The following ABCG5 variants were observed in gnomAD, a reference collection of about 807,000 sequenced individuals.
ABCG5 encodes ATP binding cassette subfamily G member 5, also known as ATP-binding cassette sub-family G member 5.
ABCG5 carries 64 observed loss-of-function variants against 64.5 expected under a neutral mutation model. That is an observed-to-expected ratio of 0.99 (90% CI 0.81 to 1.22). The LOEUF (loss-of-function observed/expected upper bound fraction) is 1.22. Ranked by LOEUF, ABCG5 falls within the 50% of genes most tolerant of loss-of-function variation. The probability of loss-of-function intolerance (pLI) is 0.00; values close to 1 mark genes in which losing one functional copy is unlikely to be tolerated. For synonymous variants in ABCG5, 385 were observed against 326.3 expected (o/e 1.18, Z -1.94); for missense variants, 908 against 829.5 (o/e 1.09, Z -1.16).
At position 43,813,239 on chromosome 2, in the gene ABCG5, T is replaced by C. The variant is rs756987849; in HGVS notation, c.1833A>G (p.Lys611=). 5.6e-6 allele frequency: 9 copies of C among 1,614,044 alleles called. No homozygotes were observed. The South Asian group carries it at 7.7e-5, about 14-fold the overall frequency. Residue 611 remains lysine (K), a synonymous_variant, in exon 13 of 13, where the codon AAA becomes AAG. Transcript: ENST00000405322. ...AFTQGIQFIE[K]TCPGATSRFT... Reference sequence around the variant, plus strand: ...ATCTAGATGTTGCACCTGGGCAGGTTTTCTCAATGAATTGAATTCCTTGAG... The same window carrying C: ...ATCTAGATGTTGCACCTGGGCAGGTCTTCTCAATGAATTGAATTCCTTGAG...
upstream of ABCG5, chr2:43,839,156 G>A (rs148770185): frequency 5.9e-4 from 916 of 1,545,596 alleles, 5 homozygotes; most frequent in African/African-American, 0.011. Flanking sequence ...CCTGGTGGGC[G>A]GGTAGGAGAA....
chr2:43,829,906 T>C (rs1242992505), intron 4 of ABCG5, among the ~76,000 whole-genome samples: 1 of 152,200 alleles, frequency 6.6e-6, no homozygotes, highest in Non-Finnish European at 1.5e-5. Context: ...TGGACATATC[T>C]GAAATAGGTA....
chr2:43,812,334 C>G (rs778816979), downstream of ABCG5: 9 of 71,838 alleles, frequency 1.3e-4, no homozygotes, highest in African/African-American at 4.1e-4. Flanking sequence ...TTTTTTTTTT[C>G]GGTAGGTTTT....
At chr2:43,825,367 G>A (rs937820496) in intron 6 of ABCG5, among the ~76,000 whole-genome samples, 9 of 152,124 alleles carry the variant, frequency 5.9e-5, no homozygotes, top group African/African-American at 2.2e-4. Context: ...GCGAGCAGGG[G>A]TGGGTCTTAG....
At position 43,813,287 on chromosome 2, in the gene ABCG5, T is replaced by C. The variant is rs1389857568; in HGVS notation, c.1785A>G (p.Thr595=). The stretch of plus-strand genomic sequence containing the variant: ...GAGTGAAGGCACACATTGGATTAGT[T>C]GTCACAGAAACATTTGAGCTGCCTG... ...FTCGSSNVSV[T]TNPMCAFTQG... Residue 595 remains threonine (T), a synonymous_variant, in exon 13 of 13, where the codon ACA becomes ACG. Transcript: ENST00000405322. The C allele has an allele frequency of 6.2e-7, 1 of 1,613,598 alleles. No individual in the cohort carries two copies. Among genetic ancestry groups the C allele is most frequent in the African/African-American group, 1.3e-5 (1 of 74,938 alleles).
chr2:43,824,341 T>C lies in ABCG5; in HGVS notation c.996A>G (p.Ser332=), dbSNP rs754395947. The change falls in exon 8 of 13, where the codon TCA becomes TCG. Residue 332 remains serine (S), a synonymous_variant. Transcript: ENST00000405322. ...VQMIESAYKK[S]AICHKTLKNI... is the part of the protein sequence containing the mutation. The stretch of plus-strand genomic sequence containing the variant: ...TCTTCAAAGTTTTATGACAAATTGC[T>C]GATTTCTTGTAGGCAGATTCTATCA... 7 of 1,614,098 alleles carry C rather than the reference T, an allele frequency of 4.3e-6. No individual in the cohort carries two copies. Among genetic ancestry groups the C allele is most frequent in the Non-Finnish European group, 5.9e-6 (7 of 1,180,044 alleles).
chr2:43,813,678 T>C (rs1379969896), intron 12 of ABCG5, among the ~76,000 whole-genome samples: 2 of 150,774 alleles, frequency 1.3e-5, no homozygotes, highest in African/African-American at 4.9e-5. Flanking sequence ...TTGGTTGTTT[T>C]TTTTTTGTTT....
downstream of ABCG5, among the ~76,000 whole-genome samples, chr2:43,807,513 C>A (rs1666306706): frequency 6.6e-6 from 1 of 151,878 alleles, no homozygotes. Context: ...GATCATGGCT[C>A]ACTGCAACCT....
At chr2:43,815,691 G>T (rs1021237771) in intron 11 of ABCG5, among the ~76,000 whole-genome samples, 9 of 152,160 alleles carry the variant, frequency 5.9e-5, no homozygotes, top group African/African-American at 2.2e-4. Flanking sequence ...CTGCATATGG[G>T]ACTGACTGGA....
intron 10 of ABCG5, among the ~76,000 whole-genome samples, chr2:43,822,332 A>C (rs1023927480): frequency 6.6e-6 from 1 of 151,732 alleles, no homozygotes; most frequent in Non-Finnish European, 1.5e-5. Flanking sequence ...CTCCTTCCTC[A>C]TCCTCTCTGA....
At chr2:43,832,707 C>G (rs1668025834) in intron 2 of ABCG5, 1 of 155,538 alleles carries the variant, frequency 6.4e-6, no homozygotes, top group Non-Finnish European at 1.4e-5. Flanking sequence ...TGCACTAGAG[C>G]CTGGGGCATA....
intron 6 of ABCG5, among the ~76,000 whole-genome samples, chr2:43,825,532 T>A (rs1477798845): frequency 2.0e-5 from 3 of 152,244 alleles, no homozygotes; most frequent in Non-Finnish European, 4.4e-5. Flanking sequence ...CCAACTTGGC[T>A]GTGAAAGGCT....
chr2:43,829,298 T>G (rs1667825848), intron 4 of ABCG5, among the ~76,000 whole-genome samples: 1 of 152,234 alleles, frequency 6.6e-6, no homozygotes, highest in African/African-American at 2.4e-5. Flanking sequence ...ACAATCTCAG[T>G]GTGAGTCCAC....
chr2:43,820,170 C>A, intron 10 of ABCG5, 70 bp from the exon 11 acceptor site: 1 of 1,527,484 alleles, frequency 6.5e-7, no homozygotes, highest in South Asian at 1.2e-5. Context: ...GCACTTGCCT[C>A]TGTGAATAAA....
intron 2 of ABCG5, among the ~76,000 whole-genome samples, chr2:43,833,268 G>C (rs938374440): frequency 2.0e-5 from 3 of 152,064 alleles, no homozygotes; most frequent in Non-Finnish European, 4.4e-5. Context: ...TCATAACAGA[G>C]AAATAGGCAG....
Position 43,835,298 on chromosome 2 carries a change from G to A in ABCG5, c.265+2536C>T, listed in dbSNP as rs185432284. Reference sequence around the variant, plus strand: ...TTTGGGGTGCACTTCTGAGATGGGGGGTTCCATTTCTTGTTGTTCTTAGAA... The same window carrying A: ...TTTGGGGTGCACTTCTGAGATGGGGAGTTCCATTTCTTGTTGTTCTTAGAA... On this transcript the variant is annotated intron_variant, in intron 2 of 12. Transcript: ENST00000405322. Among the ~76,000 whole-genome samples the A allele has an allele frequency of 4.4e-3, 673 of 151,604 alleles. 7 individuals carry two copies. The highest frequency in any genetic ancestry group is 0.014 in the African/African-American group (595 of 41,274).
In ABCG5 at chr2:43,838,709, T is replaced by C; in HGVS notation, c.-30A>G. The stretch of plus-strand genomic sequence containing the variant: ...AACAGGCAGCAAAGCTGGGCAAATT[T>C]TCTGGTGGCCGGACCCTCCCCAGAG... On this transcript the variant is annotated 5_prime_UTR_variant, in exon 1 of 13. Coordinates refer to ENST00000405322, the MANE Select transcript of ABCG5 (RefSeq NM_022436.3). The surrounding 1 kb of genome is among the most constrained non-coding windows in gnomAD (Gnocchi z 4.2). The C allele has an allele frequency of 6.2e-7, 1 of 1,611,480 alleles. No individual in the cohort carries two copies. Among genetic ancestry groups the C allele is most frequent in the Non-Finnish European group, 8.5e-7 (1 of 1,179,070 alleles).
chr2:43,835,936 T>C (rs1668233416), intron 2 of ABCG5, among the ~76,000 whole-genome samples: 1 of 151,076 alleles, frequency 6.6e-6, no homozygotes, highest in South Asian at 2.1e-4. Context: ...AGTCTGGGAA[T>C]TCCTCTTCTT....
rs185733569 is a variant in ABCG5, at chr2:43,833,412, T to A, written c.266-1329A>T. On this transcript the variant is annotated intron_variant, in intron 2 of 12. Coordinates refer to ENST00000405322, the MANE Select transcript of ABCG5 (RefSeq NM_022436.3). ...TTATTATTATTATTGAGACGAAGTA[T>A]CGCTCTGTTGCCCAGGCTGGAGTGC... is the stretch of plus-strand genomic sequence containing the variant. 8.1e-4 allele frequency among the ~76,000 whole-genome samples: 121 copies of A among 149,926 alleles called. 1 individual carries two copies. Among genetic ancestry groups the A allele is most frequent in the Middle Eastern group, 3.6e-3 (1 of 278 alleles).
Sources: allele counts gnomAD v4.1 joint callset (sites outside exome capture counted in the v4.1 genomes callset), GRCh38; gene constraint gnomAD v4.1.1; non-coding constraint Gnocchi (gnomAD v3.1); transcripts MANE v1.5; gene names NCBI Gene and HGNC (gene_info 2026-07-23, HGNC 2026-07-21).